The following ASXL2 variants were observed in gnomAD, a reference collection of about 807,000 sequenced individuals.
The protein encoded by ASXL2 is ASXL transcriptional regulator 2.
In ASXL2, 23 loss-of-function variants were observed where a neutral mutation model predicts 122.0. The ratio of observed to expected loss-of-function variants is 0.19; its 90% CI spans 0.14 to 0.27. The LOEUF (loss-of-function observed/expected upper bound fraction) is 0.27, where lower values mean the gene tolerates loss of function less well. Ranked by LOEUF, ASXL2 falls within the 10% of genes least tolerant of loss-of-function variation. The probability of loss-of-function intolerance (pLI) is 1.00; values close to 1 mark genes in which losing one functional copy is unlikely to be tolerated. For synonymous variants in ASXL2, 650 were observed against 637.0 expected (o/e 1.02, Z -0.31); for missense variants, 1,518 against 1,713.8 (o/e 0.89, Z 2.02).
intron 1 of ASXL2, among the ~76,000 whole-genome samples, chr2:25,863,354 C>T (rs962342153): frequency 2.1e-5 from 3 of 145,884 alleles, no homozygotes; most frequent in Non-Finnish European, 4.5e-5. Flanking sequence ...ATTCTCACAG[C>T]AGGAAGTAAT....
At chr2:25,784,117 G>A (rs1006992920) in intron 5 of ASXL2, among the ~76,000 whole-genome samples, 5 of 151,226 alleles carry the variant, frequency 3.3e-5, no homozygotes, top group Non-Finnish European at 2.9e-5. Flanking sequence ...AGCCAGGTGC[G>A]GTGGCGTGCT....
rs949925900 is a variant in ASXL2 at position 25,814,481 on chromosome 2, G to A, written c.144-8144C>T. Among the ~76,000 whole-genome samples the A allele has an allele frequency of 3.3e-5, 5 of 152,234 alleles. No individual in the cohort carries two copies. The East Asian group carries it at 7.7e-4, about 23-fold the overall frequency. On this transcript the variant is annotated intron_variant, in intron 3 of 12. Coordinates refer to ENST00000435504, the MANE Select transcript of ASXL2 (RefSeq NM_018263.6). Reference sequence around the variant, plus strand: ...GTAAGTACTAACACCCGAAGCAGCTGTAGTAAGAACCACCTTAAAGATTAT... The same window carrying A: ...GTAAGTACTAACACCCGAAGCAGCTATAGTAAGAACCACCTTAAAGATTAT...
rs3769672 is a variant in ASXL2, at chr2:25,741,178, C to T, written c.*851G>A. On this transcript the variant is annotated 3_prime_UTR_variant, in exon 13 of 13. Transcript: ENST00000435504. ...AGTATTTCAAAATTGTTAGTTACCACGAATGACTAAGTGCGGGGATAGGGT... is the reference window on the plus strand; with the variant it reads ...AGTATTTCAAAATTGTTAGTTACCATGAATGACTAAGTGCGGGGATAGGGT... 2,504 of 220,894 alleles carry T rather than the reference C, an allele frequency of 0.011. 181 individuals carry two copies. The East Asian group carries it at 0.15, about 13-fold the overall frequency. The allele number at this position is 220,894 out of a possible 1,614,324, so 13.7% of individuals were successfully genotyped here. A position where few individuals can be genotyped will look rare whatever the true frequency, so the allele number is the denominator to read the frequency against.
rs1019945155 is a variant in ASXL2, at chr2:25,759,722, T to C, written c.776-77A>G. The C allele has an allele frequency of 2.5e-5, 36 of 1,433,734 alleles. No homozygotes were observed. The Middle Eastern group carries it at 5.5e-4, about 22-fold the overall frequency. The allele number at this position is 1,433,734 out of a possible 1,614,324, so 88.8% of individuals were successfully genotyped here. On this transcript the variant is annotated intron_variant, in intron 8 of 12. Coordinates refer to ENST00000435504, the MANE Select transcript of ASXL2 (RefSeq NM_018263.6). ...ATATAAACTGTAGCTTTCTGTGCAG[T>C]ATAAAAAATCCACAATTGTAAGCAT... is the stretch of plus-strand genomic sequence containing the variant.
At chr2:25,849,949 C>T (rs1479893940) in intron 1 of ASXL2, among the ~76,000 whole-genome samples, 2 of 152,146 alleles carry the variant, frequency 1.3e-5, no homozygotes, top group African/African-American at 2.4e-5. Flanking sequence ...TTAAATATTA[C>T]ACTTTTAAAA....
intron 9 of ASXL2, among the ~76,000 whole-genome samples, chr2:25,757,774 T>C (rs926833984): frequency 5.3e-5 from 8 of 150,404 alleles, no homozygotes; most frequent in Admixed American, 1.3e-4. Flanking sequence ...AATTCTAAAA[T>C]TGTATGTGGC....
intron 12 of ASXL2, among the ~76,000 whole-genome samples, chr2:25,746,903 G>A (rs12105241): frequency 1.6e-3 from 249 of 152,286 alleles, no homozygotes; most frequent in African/African-American, 5.8e-3. Context: ...TAAGTGTACA[G>A]TCATCCCTTG....
At position 25,739,863 on chromosome 2, in the gene ASXL2, A is replaced by C. The variant is rs1278979408; in HGVS notation, c.*2166T>G. The C allele has an allele frequency of 4.6e-6, 1 of 219,658 alleles. No individual in the cohort carries two copies. Among genetic ancestry groups the C allele is most frequent in the Non-Finnish European group, 9.1e-6 (1 of 109,686 alleles). The allele number at this position is 219,658 out of a possible 1,614,324, so 13.6% of individuals were successfully genotyped here. A position where few individuals can be genotyped will look rare whatever the true frequency, so the allele number is the denominator to read the frequency against. On this transcript the variant is annotated 3_prime_UTR_variant, in exon 13 of 13. Coordinates refer to ENST00000435504, the MANE Select transcript of ASXL2 (RefSeq NM_018263.6). ...CATGGAATCAATTCCAAAACTCTCA[A>C]CCTCTTCCAGCATGCAGACCAGCCC...
At chr2:25,837,448 T>C (rs1180932262) in intron 2 of ASXL2, among the ~76,000 whole-genome samples, 1 of 152,248 alleles carries the variant, frequency 6.6e-6, no homozygotes, top group Non-Finnish European at 1.5e-5. Flanking sequence ...ATAAAATGAC[T>C]GCAATTTATT....
chr2:25,794,195 A>G lies in ASXL2; in HGVS notation c.403+5190T>C, dbSNP rs2088879328. Among the ~76,000 whole-genome samples, 4 of 152,356 alleles carry G rather than the reference A, an allele frequency of 2.6e-5. No homozygotes were observed. In the South Asian group the frequency reaches 8.3e-4, roughly 32 times the overall value. On this transcript the variant is annotated intron_variant, in intron 5 of 12. Coordinates refer to ENST00000435504, the MANE Select transcript of ASXL2 (RefSeq NM_018263.6). ...AAAGTAGTTCTGAACAAGCAGTAAA[A>G]TTAACATTAGTTCACACTAGAGGAA...
intron 10 of ASXL2, 98 bp downstream of exon 10, chr2:25,755,920 T>C: frequency 1.0e-6 from 1 of 1,000,218 alleles, no homozygotes; most frequent in Non-Finnish European, 1.6e-6. Flanking sequence ...GGAAACATCC[T>C]GTCCTTTACC....
chr2:25,802,923 GGGTTCGAGA>G (rs1370089123), intron 4 of ASXL2, among the ~76,000 whole-genome samples: 2 of 152,146 alleles, frequency 1.3e-5, no homozygotes, highest in African/African-American at 2.4e-5. Flanking sequence ...CTGAGGTCAG[GGGTTCGAGA>G]CCAGCCTGGC....
rs567033269 is a variant in ASXL2 at position 25,792,984 on chromosome 2, G to A, written c.403+6401C>T. Among the ~76,000 whole-genome samples the A allele has an allele frequency of 1.7e-4, 26 of 151,932 alleles. No individual in the cohort carries two copies. The South Asian group carries it at 2.1e-3, about 12-fold the overall frequency. Reference sequence around the variant, plus strand: ...AAACAAATTTTAGGCCGGGCGTGGCGGCTCACACCTGTAATCCCAGCACTT... The same window carrying A: ...AAACAAATTTTAGGCCGGGCGTGGCAGCTCACACCTGTAATCCCAGCACTT... On this transcript the variant is annotated intron_variant, in intron 5 of 12. Coordinates refer to ENST00000435504, the MANE Select transcript of ASXL2 (RefSeq NM_018263.6).
At chr2:25,784,702 G>A (rs78615547) in intron 5 of ASXL2, among the ~76,000 whole-genome samples, 11 of 152,216 alleles carry the variant, frequency 7.2e-5, no homozygotes, top group East Asian at 3.9e-4. Flanking sequence ...CGTCTCCATC[G>A]TCACACGGCA....
intron 1 of ASXL2, among the ~76,000 whole-genome samples, chr2:25,851,191 C>T (rs982399104): frequency 2.0e-5 from 3 of 151,320 alleles, no homozygotes; most frequent in Non-Finnish European, 4.4e-5. Flanking sequence ...GGATAAGTAA[C>T]TTATTTTTGT....
chr2:25,762,053 A>G (rs1418285920), intron 8 of ASXL2, among the ~76,000 whole-genome samples: 4 of 152,140 alleles, frequency 2.6e-5, no homozygotes, highest in African/African-American at 9.7e-5. Flanking sequence ...AAAAGACAAT[A>G]ATATTTATTT....
rs1431986163 is a variant in ASXL2 at position 25,759,555 on chromosome 2, T to C, written c.866A>G (p.Lys289Arg). The change falls in exon 9 of 13, where the codon AAG (lysine) becomes AGG (arginine). Residue 289 changes from lysine (K) to arginine (R), a missense_variant. Transcript: ENST00000435504. ...TCCAGGAAGGACTGAAAATGTGTGC[T>C]TGTTGATCAGTGCTCGCAGATTTGT... ...VNTNLRALIN[K>R]HTFSVLPGDC... 1.2e-6 allele frequency: 2 copies of C among 1,614,016 alleles called. No homozygotes were observed. Among genetic ancestry groups the C allele is most frequent in the Admixed American group, 1.7e-5 (1 of 60,030 alleles).
chr2:25,828,675 AT>A (rs1156392937), intron 3 of ASXL2, among the ~76,000 whole-genome samples: 3 of 151,530 alleles, frequency 2.0e-5, no homozygotes, highest in African/African-American at 7.3e-5. Context: ...AATACAAAAA[AT>A]TAGCCGGGAG....
Position 25,738,339 on chromosome 2 carries a change from T to C in ASXL2, c.*3690A>G, listed in dbSNP as rs936479773. On this transcript the variant is annotated 3_prime_UTR_variant, in exon 13 of 13. Transcript: ENST00000435504. Reference sequence around the variant, plus strand: ...TGTTTTACCTACTGTTCTCTTTCAATAGGTTTGTAGGTATTGAAACATGGT... The same window carrying C: ...TGTTTTACCTACTGTTCTCTTTCAACAGGTTTGTAGGTATTGAAACATGGT... 6 of 152,178 alleles carry C rather than the reference T, an allele frequency of 3.9e-5. No individual in the cohort carries two copies. The South Asian group carries it at 6.2e-4, about 16-fold the overall frequency. The allele number at this position is 152,178 out of a possible 1,614,324, so 9.4% of individuals were successfully genotyped here. A position where few individuals can be genotyped will look rare whatever the true frequency, so the allele number is the denominator to read the frequency against.
Sources: gnomAD v4.1 joint callset for allele counts (sites outside exome capture counted in the v4.1 genomes callset) on GRCh38, gnomAD v4.1.1 for gene constraint, MANE v1.5 for transcripts, NCBI Gene and HGNC (gene_info 2026-07-23, HGNC 2026-07-21) for gene names.